Variants in L3HYPDH observed in about 807,000 individuals in gnomAD.
The protein encoded by L3HYPDH is trans-3-hydroxy-L-proline dehydratase.
A neutral mutation model predicts 26.5 loss-of-function variants in L3HYPDH; 32 were observed. That is an observed-to-expected ratio of 1.21 (90% CI 0.91 to 1.62). L3HYPDH has a LOEUF of 1.62. Ranked by LOEUF, L3HYPDH falls within the 40% of genes most tolerant of loss-of-function variation. The pLI, the probability that L3HYPDH is intolerant of heterozygous loss-of-function variation, is 0.00. For synonymous variants in L3HYPDH, 215 were observed against 196.6 expected, an observed-to-expected ratio of 1.09 and a Z score of -0.78; for missense variants, 554 against 476.4, an observed-to-expected ratio of 1.16 and a Z score of -1.52.
chr14:59,473,168 T>A, intron 4 of L3HYPDH, 78 bp from the exon 5 acceptor site: 1 of 1,348,772 alleles, frequency 7.4e-7, no homozygotes, highest in Non-Finnish European at 1.0e-6. Flanking sequence ...TACTCTTGAC[T>A]TTTATCATGT....
At chr14:59,475,813 C>T (rs1335122114) in intron 4 of L3HYPDH, 56 bp downstream of exon 4, 1 of 1,515,952 alleles carries the variant, frequency 6.6e-7, no homozygotes, top group Non-Finnish European at 8.9e-7. Context: ...CAACTCAGGC[C>T]TCTCCAGTCT....
chr14:59,466,015 C>A (rs1889162122), intron 1 of L3HYPDH, among the ~76,000 whole-genome samples: 2 of 152,170 alleles, frequency 1.3e-5, no homozygotes. Flanking sequence ...AATGCAGATT[C>A]CCAGGCTGAC....
chr14:59,487,620 G>A, upstream of L3HYPDH: 2 of 1,359,720 alleles, frequency 1.5e-6, no homozygotes, highest in Non-Finnish European at 1.0e-6. Flanking sequence ...TTGGGGGGGT[G>A]TTAATGTTGT....
chr14:59,501,239 C>T, the L3HYPDH span: 1 of 1,604,018 alleles, frequency 6.2e-7, no homozygotes, highest in South Asian at 1.1e-5. Flanking sequence ...GTTACTCTGG[C>T]TGTGTACATG....
chr14:59,502,274 A>G, the L3HYPDH span, among the ~76,000 whole-genome samples: 9 of 152,192 alleles, frequency 5.9e-5, no homozygotes, highest in African/African-American at 2.2e-4. Flanking sequence ...TCTAAGGCCA[A>G]ACTCTAGAGG....
At chr14:59,489,485 T>A in the L3HYPDH span, among the ~76,000 whole-genome samples, 1 of 152,222 alleles carries the variant, frequency 6.6e-6, no homozygotes, top group Non-Finnish European at 1.5e-5. Flanking sequence ...TACATTTCTG[T>A]CAGCATTTTG....
the L3HYPDH span, chr14:59,494,949 T>C: frequency 1.7e-5 from 18 of 1,068,986 alleles, no homozygotes; most frequent in Non-Finnish European, 2.3e-5. Context: ...TTGACACATG[T>C]ACATGTTTTA....
the L3HYPDH span, among the ~76,000 whole-genome samples, chr14:59,497,415 C>T: frequency 7.9e-5 from 12 of 151,990 alleles, no homozygotes; most frequent in Non-Finnish European, 1.3e-4. Context: ...GAGTGGGAAA[C>T]GTAATCACTT....
the L3HYPDH span, among the ~76,000 whole-genome samples, chr14:59,492,376 G>C: frequency 6.6e-6 from 1 of 152,170 alleles, no homozygotes; most frequent in Non-Finnish European, 1.5e-5. Context: ...GGTGCAAGAA[G>C]GTGAGATCCA....
rs776527761 is a variant in L3HYPDH at position 59,475,927 on chromosome 14, T to C, written c.881A>G (p.Gln294Arg). ...QYHKGLLELN[Q>R]MRAFKSSATG... ...TGCACTGCTTTTGAAGGCTCTCATC[T>C]GGTTCAGTTCCAGAAGCCCTTTGTG... is the stretch of plus-strand genomic sequence containing the variant. The change falls in exon 4 of 5, where the codon CAG becomes CGG. Residue 294 changes from glutamine (Q) to arginine (R), a missense_variant. Coordinates refer to ENST00000247194, the MANE Select transcript of L3HYPDH (RefSeq NM_144581.2). 5.5e-5 allele frequency: 89 copies of C among 1,613,846 alleles called. No homozygotes were observed. Among genetic ancestry groups the C allele is most frequent in the Non-Finnish European group, 7.0e-5 (83 of 1,179,912 alleles).
At chr14:59,494,139 A>T in the L3HYPDH span, among the ~76,000 whole-genome samples, 8 of 117,100 alleles carry the variant, frequency 6.8e-5, no homozygotes, top group South Asian at 2.7e-4. Context: ...TGTGTGTGTG[A>T]GATACACACA....
At chr14:59,503,869 C>G in the L3HYPDH span, 1 of 1,609,664 alleles carries the variant, frequency 6.2e-7, no homozygotes, top group Non-Finnish European at 8.5e-7. Flanking sequence ...CTATGATCTT[C>G]TGGTCAGAAA....
intron 4 of L3HYPDH, among the ~76,000 whole-genome samples, chr14:59,475,513 A>G (rs912483543): frequency 3.9e-5 from 6 of 152,234 alleles, no homozygotes; most frequent in African/African-American, 1.4e-4. Flanking sequence ...ACAGAAGACA[A>G]CTAGGTTCTC....
At chr14:59,471,458 C>T (rs559674576), downstream of L3HYPDH, among the ~76,000 whole-genome samples, 27 of 152,086 alleles carry the variant, frequency 1.8e-4, no homozygotes, top group Non-Finnish European at 3.4e-4. Flanking sequence ...AAAACAGTGG[C>T]ATACCACGGG....
chr14:59,474,514 C>T, intron 4 of L3HYPDH: 2 of 700,396 alleles, frequency 2.9e-6, no homozygotes, highest in Non-Finnish European at 5.2e-6. Context: ...CCAGATTCTT[C>T]TCATAACAGC....
intron 1 of L3HYPDH, among the ~76,000 whole-genome samples, chr14:59,467,451 T>TCAGAAGGAC (rs528095288): frequency 6.1e-4 from 93 of 152,280 alleles, no homozygotes; most frequent in African/African-American, 2.1e-3. Flanking sequence ...AGTGCATGGT[T>TCAGAAGGAC]CAGAAGGACC....
chr14:59,495,999 G>A, the L3HYPDH span, among the ~76,000 whole-genome samples: 1 of 152,228 alleles, frequency 6.6e-6, no homozygotes. Context: ...TGCCTTCTGG[G>A]TTCAAGTGAT....
the L3HYPDH span, among the ~76,000 whole-genome samples, chr14:59,502,773 T>TTTTTGTTTTTTTTTTTTTTTTTTTTG: frequency 1.9e-5 from 2 of 102,836 alleles, no homozygotes; most frequent in African/African-American, 7.8e-5. Flanking sequence ...TTTTTTTTTT[T>TTTTTGTTTTTTTTTTTTTTTTTTTTG]CGGAGTCTCA....
At chr14:59,493,050 G>A in the L3HYPDH span, among the ~76,000 whole-genome samples, 4 of 151,076 alleles carry the variant, frequency 2.6e-5, no homozygotes, top group Non-Finnish European at 5.9e-5. Flanking sequence ...CACCCGCCCC[G>A]GCCTCCCAAA....
Sources: allele counts gnomAD v4.1 joint callset (sites outside exome capture counted in the v4.1 genomes callset), GRCh38; gene constraint gnomAD v4.1.1; transcripts MANE v1.5; gene names NCBI Gene and HGNC (gene_info 2026-07-23, HGNC 2026-07-21).